Variants in BAZ2B observed in about 807,000 individuals in gnomAD.
BAZ2B encodes bromodomain adjacent to zinc finger domain 2B, also known as bromodomain adjacent to zinc finger domain protein 2B.
A neutral mutation model predicts 246.0 loss-of-function variants in BAZ2B; 91 were observed. The observed-to-expected ratio is 0.37, with a 90% CI of 0.31 to 0.44. The LOEUF is 0.44. BAZ2B is among the 20% of genes least tolerant of loss of function. BAZ2B has a pLI of 1.00. For missense variants in BAZ2B, 2,332 were observed against 2,533.7 expected (o/e 0.92, Z 1.71); for synonymous variants, 855 against 860.0 (o/e 0.99, Z 0.10).
At chr2:159,648,121 ATTTG>A in the BAZ2B span, among the ~76,000 whole-genome samples, 5 of 151,666 alleles carry the variant, frequency 3.3e-5, no homozygotes, top group East Asian at 1.9e-4. Context: ...CTCTCCCACT[ATTTG>A]TTTGTTTATT....
At chr2:159,468,880 T>C (rs530446098) in intron 3 of BAZ2B, among the ~76,000 whole-genome samples, 19 of 151,828 alleles carry the variant, frequency 1.3e-4, no homozygotes, top group Admixed American at 3.9e-4. Flanking sequence ...CCGTCTCTAC[T>C]AAAAATAAAA....
chr2:159,441,921 A>G (rs2073474274), intron 6 of BAZ2B, among the ~76,000 whole-genome samples: 1 of 152,186 alleles, frequency 6.6e-6, no homozygotes, highest in Non-Finnish European at 1.5e-5. Flanking sequence ...ATTTCACTGT[A>G]TATTTATTTC....
At chr2:159,452,363 A>G (rs2075206774) in intron 4 of BAZ2B, among the ~76,000 whole-genome samples, 1 of 152,230 alleles carries the variant, frequency 6.6e-6, no homozygotes, top group South Asian at 2.1e-4. Context: ...TACTGTACTC[A>G]GCACTACATA....
the BAZ2B span, among the ~76,000 whole-genome samples, chr2:159,669,104 CT>C: frequency 6.6e-6 from 1 of 152,078 alleles, no homozygotes; most frequent in Non-Finnish European, 1.5e-5. Flanking sequence ...TTATGTCACC[CT>C]GTAAGCACTG....
chr2:159,709,751 C>T, the BAZ2B span, among the ~76,000 whole-genome samples: 3 of 152,098 alleles, frequency 2.0e-5, no homozygotes, highest in Non-Finnish European at 4.4e-5. Flanking sequence ...AAAACAAGAA[C>T]TTTGAAATTC....
chr2:159,680,646 T>C, the BAZ2B span, among the ~76,000 whole-genome samples: 4 of 152,188 alleles, frequency 2.6e-5, no homozygotes, highest in African/African-American at 4.8e-5. Flanking sequence ...AAATATGCTG[T>C]ATGTGATAAT....
chr2:159,632,706 G>GA, the BAZ2B span, among the ~76,000 whole-genome samples: 3 of 152,176 alleles, frequency 2.0e-5, no homozygotes, highest in African/African-American at 7.2e-5. Flanking sequence ...TTAAGAGACA[G>GA]AAAAAATTTA....
At chr2:159,519,246 G>A (rs113606116) in intron 2 of BAZ2B, among the ~76,000 whole-genome samples, 2,893 of 38,838 alleles carry the variant, frequency 0.074, 195 homozygotes, top group African/African-American at 0.21. Flanking sequence ...TTTTTGAGAC[G>A]GAGTCTCGCT....
chr2:159,467,426 C>G (rs4142232), intron 3 of BAZ2B, among the ~76,000 whole-genome samples: 82,876 of 151,940 alleles, frequency 0.55, 25,367 homozygotes, highest in Non-Finnish European at 0.7. Context: ...CCTTTCCCCC[C>G]CAGGTTTCTG....
chr2:159,490,984 C>CA (rs2151019213), intron 2 of BAZ2B, among the ~76,000 whole-genome samples: 1 of 152,168 alleles, frequency 6.6e-6, no homozygotes, highest in Admixed American at 6.5e-5. Flanking sequence ...AAACTTCCCC[C>CA]AAAAACAGCT....
chr2:159,325,032 TTATA>T lies in BAZ2B; in HGVS notation c.6210-82_6210-79del, dbSNP rs67500828. On this transcript the variant is annotated intron_variant, in intron 35 of 36. Coordinates refer to ENST00000392783, the MANE Select transcript of BAZ2B (RefSeq NM_013450.4). ...TTTTAATTAAAAAAGCTTTCAGTTA[TTATA>T]TATATATTATATATATATATATATT... 3.9e-3 allele frequency: 184 copies of T among 46,654 alleles called. 6 individuals are homozygous for T. Among genetic ancestry groups the T allele is most frequent in the African/African-American group, 0.015 (102 of 6,752 alleles). 2.9% of individuals were successfully genotyped at this position (46,654 alleles called of 1,614,324 possible).
chr2:159,318,008 T>C (rs1312346559), downstream of BAZ2B, among the ~76,000 whole-genome samples: 3 of 152,186 alleles, frequency 2.0e-5, no homozygotes, highest in Non-Finnish European at 4.4e-5. Flanking sequence ...TTTCTTTTTT[T>C]CCTATTTATT....
the BAZ2B span, among the ~76,000 whole-genome samples, chr2:159,624,466 C>A: frequency 2.0e-5 from 3 of 152,160 alleles, no homozygotes; most frequent in Admixed American, 6.5e-5. Context: ...CTGGCAGGTG[C>A]CCCTCTGGGA....
intron 2 of BAZ2B, among the ~76,000 whole-genome samples, chr2:159,534,337 T>C (rs12692553): frequency 0.26 from 39,452 of 152,076 alleles, 5,153 homozygotes; most frequent in South Asian, 0.34. Context: ...ACCTAGGTTA[T>C]ATTGTATAGC....
rs554461761 is a variant in BAZ2B at position 159,346,716 on chromosome 2, C to G, written c.5454+770G>C. On this transcript the variant is annotated intron_variant, in intron 31 of 36. Coordinates refer to ENST00000392783, the MANE Select transcript of BAZ2B (RefSeq NM_013450.4). ...AAACAAAAAACAAAAAAACAAAAAA[C>G]CCCCAAACCAAAACAGAACCTTAGC... Among the ~76,000 whole-genome samples the G allele has an allele frequency of 1.9e-4, 29 of 152,062 alleles. No individual in the cohort carries two copies. The East Asian group carries it at 2.1e-3, about 11-fold the overall frequency.
chr2:159,332,960 T>C (rs1490135104), intron 33 of BAZ2B: 1 of 307,136 alleles, frequency 3.3e-6, no homozygotes, highest in Non-Finnish European at 6.1e-6. Context: ...CAGAAGCATG[T>C]ACACATTAAC....
intron 1 of BAZ2B, among the ~76,000 whole-genome samples, chr2:159,570,470 T>C (rs1683724795): frequency 6.6e-6 from 1 of 152,138 alleles, no homozygotes; most frequent in African/African-American, 2.4e-5. Flanking sequence ...CGTAAGCCAC[T>C]GCGCCCGGCC....
intron 35 of BAZ2B, 72 bp from the exon 36 acceptor site, chr2:159,325,026 C>A (rs2063258688): frequency 1.3e-5 from 3 of 239,650 alleles, no homozygotes; most frequent in African/African-American, 3.9e-5. Context: ...AAAAAGCTTT[C>A]AGTTATTATA....
chr2:159,391,403 T>C (rs2063317050), intron 20 of BAZ2B, among the ~76,000 whole-genome samples: 1 of 152,160 alleles, frequency 6.6e-6, no homozygotes, highest in African/African-American at 2.4e-5. Context: ...TCAGAATGTA[T>C]TGTCATCGTT....
Sources: allele counts gnomAD v4.1 joint callset (sites outside exome capture counted in the v4.1 genomes callset), GRCh38; gene constraint gnomAD v4.1.1; transcripts MANE v1.5; gene names NCBI Gene and HGNC (gene_info 2026-07-23, HGNC 2026-07-21).